Variants in MSL2 observed in about 807,000 individuals in gnomAD.
MSL2 encodes MSL complex subunit 2.
Under a neutral mutation model 35.8 loss-of-function variants are expected in MSL2, and 2 were observed. The ratio of observed to expected loss-of-function variants is 0.06; its 90% CI spans 0.02 to 0.18. The LOEUF (loss-of-function observed/expected upper bound fraction) is 0.18. Among genes scored for constraint, MSL2 ranks in the 10% least tolerant of loss-of-function variants. MSL2 has a pLI of 1.00. For synonymous variants in MSL2, 296 were observed against 255.7 expected (o/e 1.16, Z -1.50); for missense variants, 523 against 706.7 (o/e 0.74, Z 2.95).
chr3:136,180,760 AGGAGGGAGGGAGGGAGGGAGGGAG>A (rs1170359510), intron 1 of MSL2, among the ~76,000 whole-genome samples: 41 of 41,626 alleles, frequency 9.8e-4, no homozygotes, highest in South Asian at 2.8e-3. Context: ...GAAGGAGGGA[AGGAGGGAGGGAGGGAGGGAGGGAG>A]GGAGGGAGGG....
In MSL2 at chr3:136,155,024, A is replaced by G. The variant is rs184210156; in HGVS notation, c.143-2286T>C. The stretch of plus-strand genomic sequence containing the variant: ...AGAGACTGAGACCATCCTGGCCAAC[A>G]TGGTGAAACTCCATCTCTACTAAAA... On this transcript the variant is annotated intron_variant, in intron 1 of 1. Coordinates refer to ENST00000309993, the MANE Select transcript of MSL2 (RefSeq NM_018133.4). Among the ~76,000 whole-genome samples, 718 of 152,298 alleles carry G rather than the reference A, an allele frequency of 4.7e-3. 1 individual carries two copies. The highest frequency in any genetic ancestry group is 7.8e-3 in the Admixed American group (120 of 15,300).
In MSL2 at chr3:136,151,125, T is replaced by G; in HGVS notation, c.*22A>C. 1 of 1,596,606 alleles carries G rather than the reference T, an allele frequency of 6.3e-7. No individual in the cohort carries two copies. The highest frequency in any genetic ancestry group is 1.1e-5 in the South Asian group (1 of 90,208). On this transcript the variant is annotated 3_prime_UTR_variant, in exon 2 of 2. Transcript: ENST00000309993. This position sits in a 1 kb window ranked among gnomAD's most constrained non-coding sequence, Gnocchi z 5.2. ...ACTGTAGCTATTTCCCTACCAGGAG[T>G]AGGTTTAAAAGACCCACTGATTTAA...
In MSL2 at chr3:136,151,898, C is replaced by T; in HGVS notation, c.983G>A (p.Cys328Tyr). The change falls in exon 2 of 2, where the codon TGT becomes TAT. Residue 328 changes from cysteine (C) to tyrosine (Y), a missense_variant. Cys to Tyr is a radical substitution (Grantham distance 194). Coordinates refer to ENST00000309993, the MANE Select transcript of MSL2 (RefSeq NM_018133.4). This position sits in a 1 kb window ranked among gnomAD's most constrained non-coding sequence, Gnocchi z 5.2. Reference protein sequence around the residue: ...STSPALHGLSCTAATPKIAKL... With the variant: ...STSPALHGLSYTAATPKIAKL... ...TGCTATCTTCGGAGTTGCTGCTGTA[C>T]ATGATAACCCATGAAGTGCAGGACT... 1 of 1,614,150 alleles carries T rather than the reference C, an allele frequency of 6.2e-7. No homozygotes were observed. The highest frequency in any genetic ancestry group is 8.5e-7 in the Non-Finnish European group (1 of 1,180,038).
Position 136,151,152 on chromosome 3 carries a change from A to T in MSL2, c.1729T>A (p.Cys577Ser). ...GGTTTAAAAGACCCACTGATTTAAC[A>T]GTCGAATCTCATGTCTATAGCTTCA... ...LDEAIDMRFDC is the reference protein window; with the variant it reads ...LDEAIDMRFDS Residue 577 changes from cysteine to serine, a missense_variant, in exon 2 of 2, where the codon TGT (cysteine) becomes AGT (serine). Coordinates refer to ENST00000309993, the MANE Select transcript of MSL2 (RefSeq NM_018133.4). The surrounding 1 kb of genome is among the most constrained non-coding windows in gnomAD (Gnocchi z 5.2). The T allele has an allele frequency of 5.6e-6, 9 of 1,607,054 alleles. No homozygotes were observed. Among genetic ancestry groups the T allele is most frequent in the Non-Finnish European group, 6.8e-6 (8 of 1,173,910 alleles).
At chr3:136,179,981 C>T (rs1341140239) in intron 1 of MSL2, among the ~76,000 whole-genome samples, 1 of 152,124 alleles carries the variant, frequency 6.6e-6, no homozygotes, top group Non-Finnish European at 1.5e-5. Context: ...CAAGAGAACA[C>T]TTGAACCCAG....
At chr3:136,157,910 A>G (rs111265673) in intron 1 of MSL2, among the ~76,000 whole-genome samples, 2,209 of 152,366 alleles carry the variant, frequency 0.014, 55 homozygotes, top group African/African-American at 0.051. Context: ...ATTCTAACAA[A>G]TAATTAAAAA....
At chr3:136,171,371 A>C (rs1327068209) in intron 1 of MSL2, among the ~76,000 whole-genome samples, 1 of 151,966 alleles carries the variant, frequency 6.6e-6, no homozygotes, top group Non-Finnish European at 1.5e-5. Flanking sequence ...AAGCTGAATG[A>C]CTCCTTAGGG....
chr3:136,192,690 G>A (rs1028212054), intron 1 of MSL2, among the ~76,000 whole-genome samples: 1 of 152,138 alleles, frequency 6.6e-6, no homozygotes, highest in Non-Finnish European at 1.5e-5. Flanking sequence ...AGGATGAAAA[G>A]GTAGTAGCGG....
At chr3:136,169,662 G>C (rs1017355686) in intron 1 of MSL2, among the ~76,000 whole-genome samples, 1 of 151,904 alleles carries the variant, frequency 6.6e-6, no homozygotes, top group Admixed American at 6.6e-5. Context: ...GTTGGCCAGG[G>C]TGGTCTTGAA....
chr3:136,192,699 G>A (rs1362025732), intron 1 of MSL2, among the ~76,000 whole-genome samples: 1 of 152,160 alleles, frequency 6.6e-6, no homozygotes, highest in Non-Finnish European at 1.5e-5. Context: ...AGGTAGTAGC[G>A]GGTCAAATCT....
At chr3:136,184,552 G>A (rs946169118) in intron 1 of MSL2, among the ~76,000 whole-genome samples, 17 of 151,674 alleles carry the variant, frequency 1.1e-4, no homozygotes, top group African/African-American at 3.1e-4. Flanking sequence ...GCAGCGAGCC[G>A]AGATCCCACC....
chr3:136,172,847 C>T (rs1940065889), intron 1 of MSL2, among the ~76,000 whole-genome samples: 1 of 152,076 alleles, frequency 6.6e-6, no homozygotes, highest in African/African-American at 2.4e-5. Flanking sequence ...TTGAAACAGA[C>T]ATGACACCAT....
At chr3:136,154,327 T>A (rs1248229343) in intron 1 of MSL2, among the ~76,000 whole-genome samples, 2 of 151,990 alleles carry the variant, frequency 1.3e-5, no homozygotes, top group African/African-American at 4.8e-5. Context: ...ACTGCGACAA[T>A]ACAGTATAAT....
intron 1 of MSL2, among the ~76,000 whole-genome samples, chr3:136,162,615 G>A (rs1304295141): frequency 6.6e-6 from 1 of 152,110 alleles, no homozygotes; most frequent in Non-Finnish European, 1.5e-5. Context: ...TTAGGAGGGA[G>A]AGACAGAACA....
chr3:136,191,501 G>A (rs905688055), intron 1 of MSL2, among the ~76,000 whole-genome samples: 2 of 150,566 alleles, frequency 1.3e-5, no homozygotes, highest in South Asian at 4.2e-4. Flanking sequence ...TTCAGGCCAG[G>A]AGCCACAGTG....
At chr3:136,154,828 T>TG (rs145746320) in intron 1 of MSL2, among the ~76,000 whole-genome samples, 6,597 of 152,094 alleles carry the variant, frequency 0.043, 504 homozygotes, top group African/African-American at 0.15. Context: ...GAGGCAGAGG[T>TG]GGACACTCAT....
intron 1 of MSL2, among the ~76,000 whole-genome samples, chr3:136,176,361 A>G (rs1940176063): frequency 6.6e-6 from 1 of 151,740 alleles, no homozygotes; most frequent in Admixed American, 6.6e-5. Flanking sequence ...TAAAAATACA[A>G]AAAATTAGCA....
At chr3:136,164,618 T>C (rs1939789738) in intron 1 of MSL2, among the ~76,000 whole-genome samples, 1 of 152,062 alleles carries the variant, frequency 6.6e-6, no homozygotes, top group Admixed American at 6.6e-5. Flanking sequence ...AATATCTAAC[T>C]ATGTCTCTAA....
intron 1 of MSL2, among the ~76,000 whole-genome samples, chr3:136,160,439 C>A (rs1297322175): frequency 1.5e-4 from 21 of 138,086 alleles, no homozygotes; most frequent in African/African-American, 3.0e-4. Context: ...AAAAAAAAAA[C>A]AATGCAAGCC....
Sources: allele counts gnomAD v4.1 joint callset (sites outside exome capture counted in the v4.1 genomes callset), GRCh38; gene constraint gnomAD v4.1.1; non-coding constraint Gnocchi (gnomAD v3.1); transcripts MANE v1.5; gene names NCBI Gene and HGNC (gene_info 2026-07-23, HGNC 2026-07-21).